The following FBXL7 variants were observed in gnomAD, a reference collection of about 807,000 sequenced individuals.
The protein encoded by FBXL7 is F-box/LRR-repeat protein 7.
Under a neutral mutation model 38.3 loss-of-function variants are expected in FBXL7, and 12 were observed. The observed-to-expected ratio is 0.31, with a 90% CI of 0.20 to 0.51. The LOEUF is 0.51. FBXL7 is among the 20% of genes least tolerant of loss of function. FBXL7 has a pLI of 0.98. For synonymous variants in FBXL7, 297 were observed against 300.9 expected, an observed-to-expected ratio of 0.99 and a Z score of 0.13; for missense variants, 567 against 676.4, an observed-to-expected ratio of 0.84 and a Z score of 1.79.
At chr5:15,531,428 T>C (rs556856991) in intron 1 of FBXL7, among the ~76,000 whole-genome samples, 1 of 152,298 alleles carries the variant, frequency 6.6e-6, no homozygotes, top group East Asian at 1.9e-4. Flanking sequence ...TATAGAGACT[T>C]TATATTTACA....
intron 2 of FBXL7, among the ~76,000 whole-genome samples, chr5:15,702,867 G>A (rs1271933617): frequency 2.0e-5 from 3 of 152,058 alleles, no homozygotes; most frequent in South Asian, 4.1e-4. Context: ...GGGTGGGGCC[G>A]TTTTATAAGA....
In FBXL7 at chr5:15,534,125, C is replaced by T. The variant is rs569789762; in HGVS notation, c.37+33412C>T. Among the ~76,000 whole-genome samples the T allele has an allele frequency of 1.1e-4, 17 of 152,274 alleles. No homozygotes were observed. The South Asian group carries it at 3.5e-3, about 32-fold the overall frequency. On this transcript the variant is annotated intron_variant, in intron 1 of 3. Transcript: ENST00000504595. Reference sequence around the variant, plus strand: ...ACAGCGTCCTGCACTGTTGACACCCCCCCACCAGAGTGGTATGTTTGTTAC... The same window carrying T: ...ACAGCGTCCTGCACTGTTGACACCCTCCCACCAGAGTGGTATGTTTGTTAC...
intron 1 of FBXL7, among the ~76,000 whole-genome samples, chr5:15,598,001 T>C (rs1465436415): frequency 6.6e-6 from 1 of 152,246 alleles, no homozygotes; most frequent in Non-Finnish European, 1.5e-5. Flanking sequence ...GACCTTTCCC[T>C]TCACTGGCTG....
chr5:15,501,348 A>C, intron 1 of FBXL7: 1 of 874,502 alleles, frequency 1.1e-6, no homozygotes, highest in Non-Finnish European at 1.4e-6. Context: ...CTTGGAAGTT[A>C]GGGAAACTTT....
chr5:15,821,382 C>T (rs1348627718), intron 2 of FBXL7, among the ~76,000 whole-genome samples: 1 of 152,092 alleles, frequency 6.6e-6, no homozygotes, highest in Non-Finnish European at 1.5e-5. Flanking sequence ...AGAGCCCAAT[C>T]TTAGGTTGCT....
chr5:15,545,859 G>T (rs1334835196), intron 1 of FBXL7, among the ~76,000 whole-genome samples: 2 of 152,172 alleles, frequency 1.3e-5, no homozygotes, highest in East Asian at 1.9e-4. Flanking sequence ...TTGCAGAGTG[G>T]AAGAGTTGAG....
chr5:15,592,772 G>A (rs139737026), intron 1 of FBXL7, among the ~76,000 whole-genome samples: 2 of 152,188 alleles, frequency 1.3e-5, no homozygotes, highest in Non-Finnish European at 1.5e-5. Flanking sequence ...TAACCTTTAG[G>A]TCACACAGAG....
intron 3 of FBXL7, among the ~76,000 whole-genome samples, chr5:15,931,533 A>G (rs1250568255): frequency 6.6e-6 from 1 of 152,144 alleles, no homozygotes; most frequent in Non-Finnish European, 1.5e-5. Flanking sequence ...CATGGCCTCC[A>G]GAGGAATTGT....
intron 1 of FBXL7, among the ~76,000 whole-genome samples, chr5:15,519,292 G>A (rs1015315486): frequency 3.2e-4 from 49 of 152,174 alleles, no homozygotes; most frequent in Non-Finnish European, 5.7e-4. Context: ...GCAGTCAACC[G>A]AGATCGTGCC....
At chr5:15,719,154 G>A (rs529252796) in intron 2 of FBXL7, among the ~76,000 whole-genome samples, 42 of 151,982 alleles carry the variant, frequency 2.8e-4, no homozygotes, top group African/African-American at 8.0e-4. Context: ...CTTTCTGGTG[G>A]GATTTTACAC....
rs961121878 is a variant in FBXL7, at chr5:15,678,900, G to A, written c.127+62828G>A. Among the ~76,000 whole-genome samples, 10 of 152,178 alleles carry A rather than the reference G, an allele frequency of 6.6e-5. 1 individual carries two copies. Among genetic ancestry groups the A allele is most frequent in the Admixed American group, 2.6e-4 (4 of 15,266 alleles). The stretch of plus-strand genomic sequence containing the variant: ...TCAGATGTGCCCTTATCAGTACTGT[G>A]AAAATGGACTAATACAAATGTCGAA... On this transcript the variant is annotated intron_variant, in intron 2 of 3. Coordinates refer to ENST00000504595, the MANE Select transcript of FBXL7 (RefSeq NM_012304.5).
chr5:15,868,297 C>T (rs1463693235), intron 2 of FBXL7, among the ~76,000 whole-genome samples: 1 of 152,138 alleles, frequency 6.6e-6, no homozygotes, highest in African/African-American at 2.4e-5. Context: ...CCTCTAGAAC[C>T]TCCAGAAAAG....
chr5:15,708,947 C>A (rs1254238110), intron 2 of FBXL7, among the ~76,000 whole-genome samples: 1 of 152,034 alleles, frequency 6.6e-6, no homozygotes, highest in African/African-American at 2.4e-5. Flanking sequence ...AGTTGTTGTC[C>A]CAGAAAATGT....
At chr5:15,583,455 A>G (rs1739207390) in intron 1 of FBXL7, among the ~76,000 whole-genome samples, 1 of 152,184 alleles carries the variant, frequency 6.6e-6, no homozygotes, top group Non-Finnish European at 1.5e-5. Flanking sequence ...CTGGTAAAAT[A>G]AAACACAAAT....
At chr5:15,684,864 G>GA (rs760636688) in intron 2 of FBXL7, among the ~76,000 whole-genome samples, 1 of 152,274 alleles carries the variant, frequency 6.6e-6, no homozygotes, top group East Asian at 1.9e-4. Flanking sequence ...GAAAGTTAGA[G>GA]AAAATGAGAA....
At chr5:15,503,948 T>C (rs898614139) in intron 1 of FBXL7, among the ~76,000 whole-genome samples, 2 of 152,252 alleles carry the variant, frequency 1.3e-5, no homozygotes, top group Admixed American at 6.5e-5. Context: ...GAAAATACCT[T>C]TTCATTAAAA....
chr5:15,523,133 C>T (rs73751963), intron 1 of FBXL7, among the ~76,000 whole-genome samples: 3,806 of 152,224 alleles, frequency 0.025, 153 homozygotes, highest in African/African-American at 0.087. Context: ...CCTATTGTAC[C>T]GCACCGTTAC....
chr5:15,891,558 T>C (rs1387087725), intron 2 of FBXL7, among the ~76,000 whole-genome samples: 1 of 152,220 alleles, frequency 6.6e-6, no homozygotes, highest in Non-Finnish European at 1.5e-5. Context: ...TACAGTCTAG[T>C]AGAGGGAGAC....
chr5:15,657,458 G>T (rs1342043376), intron 2 of FBXL7, among the ~76,000 whole-genome samples: 3 of 152,100 alleles, frequency 2.0e-5, no homozygotes, highest in Non-Finnish European at 2.9e-5. Flanking sequence ...AATTAATGAG[G>T]CCATTATAAG....
Sources: allele counts gnomAD v4.1 joint callset (sites outside exome capture counted in the v4.1 genomes callset), GRCh38; gene constraint gnomAD v4.1.1; transcripts MANE v1.5; gene names NCBI Gene and HGNC (gene_info 2026-07-23, HGNC 2026-07-21).